AFTPH: variants seen among roughly 807,000 people sequenced by gnomAD.
The protein encoded by AFTPH is aftiphilin.
A neutral mutation model predicts 72.5 loss-of-function variants in AFTPH; 7 were observed. The observed-to-expected ratio is 0.10, with a 90% CI of 0.05 to 0.18. The LOEUF (loss-of-function observed/expected upper bound fraction) is 0.18, where lower values mean the gene tolerates loss of function less well. Among genes scored for constraint, AFTPH ranks in the 10% least tolerant of loss-of-function variants. The probability of loss-of-function intolerance (pLI) is 1.00; values close to 1 mark genes in which losing one functional copy is unlikely to be tolerated. For synonymous variants in AFTPH, 337 were observed against 370.1 expected, an observed-to-expected ratio of 0.91 and a Z score of 1.03; for missense variants, 979 against 1,060.5, an observed-to-expected ratio of 0.92 and a Z score of 1.07.
At chr2:64,581,702 C>A (rs192407139) in intron 7 of AFTPH, among the ~76,000 whole-genome samples, 122 of 152,154 alleles carry the variant, frequency 8.0e-4, no homozygotes, top group Non-Finnish European at 1.4e-3. Flanking sequence ...AATAATATAA[C>A]CTTTACAAAT....
chr2:64,562,783 G>C (rs1033519443), intron 2 of AFTPH, among the ~76,000 whole-genome samples: 2 of 152,196 alleles, frequency 1.3e-5, no homozygotes, highest in African/African-American at 4.8e-5. Context: ...GTAGGTTTCA[G>C]AGTACATCTT....
At chr2:64,584,857 A>G (rs954512444) in intron 7 of AFTPH, among the ~76,000 whole-genome samples, 1 of 152,038 alleles carries the variant, frequency 6.6e-6, no homozygotes. Context: ...CGGCCTCCCA[A>G]AGTGCTGGGA....
chr2:64,567,298 G>A (rs951486313), intron 2 of AFTPH, among the ~76,000 whole-genome samples: 1 of 152,196 alleles, frequency 6.6e-6, no homozygotes, highest in Non-Finnish European at 1.5e-5. Flanking sequence ...AATAGATTAA[G>A]ATAATGCATG....
intron 1 of AFTPH, among the ~76,000 whole-genome samples, chr2:64,530,000 A>G (rs1441455522): frequency 6.6e-6 from 1 of 152,134 alleles, no homozygotes; most frequent in Non-Finnish European, 1.5e-5. Context: ...CTAAAAATAT[A>G]GAAAAATTAG....
chr2:64,545,570 T>TAAAAAAAAAAA lies in AFTPH; in HGVS notation c.-32-5841_-32-5831dup, dbSNP rs58124855. On this transcript the variant is annotated intron_variant, in intron 1 of 8. Transcript: ENST00000238856. ...CTGTACAATGGAATGCCACCAGCAGTAAAAAAAAAAAAAAAAAAAAAAAAA... is the reference window on the plus strand; with the variant it reads ...CTGTACAATGGAATGCCACCAGCAGTAAAAAAAAAAAAAAAAAAAAAAAAAAAAAAAAAAAA... Among the ~76,000 whole-genome samples the TAAAAAAAAAAA allele has an allele frequency of 3.7e-4, 9 of 24,198 alleles. 3 individuals carry two copies. Among genetic ancestry groups the TAAAAAAAAAAA allele is most frequent in the Admixed American group, 1.4e-3 (2 of 1,398 alleles). 15.9% of individuals were successfully genotyped at this position (24,198 alleles called of 152,430 possible).
chr2:64,553,453 G>T, intron 2 of AFTPH, 44 bp downstream of exon 2: 1 of 1,501,934 alleles, frequency 6.7e-7, no homozygotes, highest in Non-Finnish European at 8.8e-7. Context: ...ATTAATTGTT[G>T]TGGAGGCTTC....
At chr2:64,568,072 T>G (rs968676510) in intron 3 of AFTPH, among the ~76,000 whole-genome samples, 17 of 152,042 alleles carry the variant, frequency 1.1e-4, no homozygotes, top group African/African-American at 3.4e-4. Flanking sequence ...TCAAAAACAT[T>G]GTGTCAAAAC....
At chr2:64,539,058 T>C (rs1670053594) in intron 1 of AFTPH, among the ~76,000 whole-genome samples, 1 of 152,108 alleles carries the variant, frequency 6.6e-6, no homozygotes, top group Non-Finnish European at 1.5e-5. Flanking sequence ...CAGTATACAC[T>C]AGTCACTTGA....
intron 6 of AFTPH, among the ~76,000 whole-genome samples, chr2:64,576,141 G>C (rs752997538): frequency 1.8e-5 from 1 of 56,094 alleles, no homozygotes; most frequent in Admixed American, 1.5e-4. Context: ...AATGAAATAC[G>C]TGTGTGTGTG....
At chr2:64,583,914 G>A (rs568096964) in intron 7 of AFTPH, among the ~76,000 whole-genome samples, 15 of 152,156 alleles carry the variant, frequency 9.9e-5, no homozygotes, top group African/African-American at 3.6e-4. Flanking sequence ...GTTAATAGAA[G>A]TCAGTTTCTG....
At chr2:64,557,921 G>C (rs1671482150) in intron 2 of AFTPH, among the ~76,000 whole-genome samples, 1 of 152,154 alleles carries the variant, frequency 6.6e-6, no homozygotes, top group East Asian at 1.9e-4. Flanking sequence ...GATTTATTCA[G>C]AAACTGTACA....
At chr2:64,552,139 A>G in exon 2 of AFTPH, 2 of 1,613,980 alleles carry the variant, frequency 1.2e-6, no homozygotes, top group Non-Finnish European at 1.7e-6. Flanking sequence ...TATAATTTAG[A>G]CTCTGTACCT....
chr2:64,573,269 C>A (rs1286511878), intron 6 of AFTPH, among the ~76,000 whole-genome samples: 1 of 152,064 alleles, frequency 6.6e-6, no homozygotes, highest in African/African-American at 2.4e-5. Context: ...CAGAAAAGCA[C>A]AATTTGAGAA....
At chr2:64,527,879 T>C (rs1479963617) in intron 1 of AFTPH, among the ~76,000 whole-genome samples, 1 of 152,198 alleles carries the variant, frequency 6.6e-6, no homozygotes, top group Non-Finnish European at 1.5e-5. Flanking sequence ...GGCCTTTCCC[T>C]TCTAGGGTAG....
At chr2:64,533,657 G>A (rs998245982) in intron 1 of AFTPH, among the ~76,000 whole-genome samples, 3 of 151,946 alleles carry the variant, frequency 2.0e-5, no homozygotes, top group African/African-American at 4.8e-5. Flanking sequence ...AGTCTACCCC[G>A]ATTTGCTAGT....
At chr2:64,580,042 T>C (rs1040584760) in intron 7 of AFTPH, 1 of 152,712 alleles carries the variant, frequency 6.5e-6, no homozygotes, top group African/African-American at 2.4e-5. Context: ...AAATAGAAAA[T>C]AAATTTCACG....
At chr2:64,545,570 T>TTAAAAA in intron 1 of AFTPH, among the ~76,000 whole-genome samples, 2 of 24,198 alleles carry the variant, frequency 8.3e-5, no homozygotes, top group South Asian at 2.4e-3. Flanking sequence ...CCACCAGCAG[T>TTAAAAA]AAAAAAAAAA....
chr2:64,529,406 A>G (rs964816658), intron 1 of AFTPH, among the ~76,000 whole-genome samples: 3 of 146,830 alleles, frequency 2.0e-5, no homozygotes, highest in Non-Finnish European at 4.5e-5. Flanking sequence ...AGTGATGTTT[A>G]TATTCTATCT....
intron 6 of AFTPH, among the ~76,000 whole-genome samples, chr2:64,575,679 T>TTA (rs70937357): frequency 0.028 from 4,244 of 150,734 alleles, 83 homozygotes; most frequent in Middle Eastern, 0.055. Flanking sequence ...ACAGAAAATT[T>TTA]TATATATATA....
Sources: gnomAD v4.1 joint callset for allele counts (sites outside exome capture counted in the v4.1 genomes callset) on GRCh38, gnomAD v4.1.1 for gene constraint, MANE v1.5 for transcripts, NCBI Gene and HGNC (gene_info 2026-07-23, HGNC 2026-07-21) for gene names.